ASXL3: variants seen among roughly 807,000 people sequenced by gnomAD.
The protein encoded by ASXL3 is ASXL transcriptional regulator 3.
ASXL3 carries 34 observed loss-of-function variants against 170.6 expected under a neutral mutation model. The observed-to-expected ratio is 0.20, with a 90% CI of 0.15 to 0.27. ASXL3 has a LOEUF of 0.27. Ranked by LOEUF, ASXL3 falls within the 10% of genes least tolerant of loss-of-function variation. The probability of loss-of-function intolerance (pLI) is 1.00; values close to 1 mark genes in which losing one functional copy is unlikely to be tolerated. For missense variants in ASXL3, 2,592 were observed against 2,695.3 expected, an observed-to-expected ratio of 0.96 and a Z score of 0.85; for synonymous variants, 1,002 against 989.1, an observed-to-expected ratio of 1.01 and a Z score of -0.24.
At chr18:33,652,382 C>G (rs562304418) in intron 4 of ASXL3, among the ~76,000 whole-genome samples, 8 of 151,938 alleles carry the variant, frequency 5.3e-5, no homozygotes, top group South Asian at 2.1e-4. Context: ...TTGTTATTAA[C>G]AAGAAAAATT....
intron 4 of ASXL3, among the ~76,000 whole-genome samples, chr18:33,657,629 C>T (rs1178275889): frequency 2.6e-5 from 4 of 152,036 alleles, no homozygotes; most frequent in Non-Finnish European, 4.4e-5. Context: ...ACACTGAAGC[C>T]CGCAGTTTTG....
chr18:33,597,630 A>G (rs1370706519), intron 1 of ASXL3, among the ~76,000 whole-genome samples: 1 of 152,054 alleles, frequency 6.6e-6, no homozygotes, highest in East Asian at 1.9e-4. Flanking sequence ...TTATCCTCCA[A>G]GTGAGATTTT....
chr18:33,694,302 C>A (rs750734978), intron 8 of ASXL3, among the ~76,000 whole-genome samples: 16 of 152,094 alleles, frequency 1.1e-4, no homozygotes, highest in Non-Finnish European at 1.6e-4. Flanking sequence ...GCGGATCTCT[C>A]CTTTCTTTAA....
rs2065916583 is a variant in ASXL3 at position 33,646,488 on chromosome 18, T to G, written c.355+135T>G. The stretch of plus-strand genomic sequence containing the variant: ...AAATTTTTACCGCTGAGATTTATCA[T>G]CAAGGTGTTTTGATTCAAAAAGGAT... On this transcript the variant is annotated intron_variant, in intron 4 of 11. Transcript: ENST00000269197. 21 of 596,046 alleles carry G rather than the reference T, an allele frequency of 3.5e-5. No homozygotes were observed. In the South Asian group the frequency reaches 5.5e-4, roughly 16 times the overall value. 36.9% of individuals were successfully genotyped at this position (596,046 alleles called of 1,614,324 possible).
chr18:33,597,652 C>A (rs995132374), intron 1 of ASXL3, among the ~76,000 whole-genome samples: 1 of 151,934 alleles, frequency 6.6e-6, no homozygotes, highest in Non-Finnish European at 1.5e-5. Context: ...CCATTTGATA[C>A]AAGGCAGTAT....
At chr18:33,591,638 CTTT>C (rs370020953) in intron 1 of ASXL3, among the ~76,000 whole-genome samples, 1 of 141,406 alleles carries the variant, frequency 7.1e-6, no homozygotes, top group African/African-American at 2.6e-5. Context: ...AATGACACTA[CTTT>C]TTTTTTTTTT....
rs758858936 is a variant in ASXL3 at position 33,746,321 on chromosome 18, A to C, written c.6473A>C (p.His2158Pro). 16 of 1,613,832 alleles carry C rather than the reference A, an allele frequency of 9.9e-6. No homozygotes were observed. The East Asian group carries it at 2.7e-4, about 27-fold the overall frequency. Residue 2158 changes from histidine to proline, a missense_variant, in exon 12 of 12, where the codon CAC becomes CCC. Transcript: ENST00000269197. ...CTCTGTGGAAATTATCCAACAATAC[A>C]CTTTGGTAGCACGAGTTTCAAAAGG... ...QQLCGNYPTI[H>P]FGSTSFKRAA...
At chr18:33,667,954 GAGT>G (rs2066284785) in intron 5 of ASXL3, among the ~76,000 whole-genome samples, 4 of 152,134 alleles carry the variant, frequency 2.6e-5, no homozygotes, top group Non-Finnish European at 4.4e-5. Flanking sequence ...GATATTTGTT[GAGT>G]ATTTACTATG....
At chr18:33,699,571 C>T (rs188154039) in intron 8 of ASXL3, among the ~76,000 whole-genome samples, 17 of 152,134 alleles carry the variant, frequency 1.1e-4, no homozygotes, top group Non-Finnish European at 7.4e-5. Flanking sequence ...TTGACAGACA[C>T]AATTTTAGTA....
intron 2 of ASXL3, among the ~76,000 whole-genome samples, chr18:33,623,548 A>G (rs935090621): frequency 6.6e-6 from 1 of 152,152 alleles, no homozygotes; most frequent in African/African-American, 2.4e-5. Flanking sequence ...ATGTTCTGTC[A>G]GTTGTAAGAT....
intron 8 of ASXL3, among the ~76,000 whole-genome samples, chr18:33,715,279 T>C (rs2067145528): frequency 1.3e-5 from 2 of 152,214 alleles, no homozygotes; most frequent in Admixed American, 1.3e-4. Flanking sequence ...AGAATCTTGT[T>C]CATTTACCTG....
At chr18:33,697,138 C>G (rs1451422920) in intron 8 of ASXL3, among the ~76,000 whole-genome samples, 1 of 152,036 alleles carries the variant, frequency 6.6e-6, no homozygotes, top group Non-Finnish European at 1.5e-5. Flanking sequence ...ATAAAGAGAA[C>G]CTGTGTGACA....
chr18:33,693,857 C>T (rs554487924), intron 8 of ASXL3, among the ~76,000 whole-genome samples: 90 of 152,142 alleles, frequency 5.9e-4, no homozygotes, highest in Non-Finnish European at 1.1e-3. Context: ...TTCTTGTTGA[C>T]TGATTAGATG....
rs1348377210 is a variant in ASXL3 at position 33,616,537 on chromosome 18, T to C, written c.137+8861T>C. ...ACTTTTTATACAGAATGCCTCACAG[T>C]AATGCAGTAAGCATGGAAGAGGACT... On this transcript the variant is annotated intron_variant, in intron 2 of 11. Coordinates refer to ENST00000269197, the MANE Select transcript of ASXL3 (RefSeq NM_030632.3). 3 of 152,134 alleles carry C rather than the reference T, an allele frequency of 2.0e-5. No individual in the cohort carries two copies. The East Asian group carries it at 5.8e-4, about 29-fold the overall frequency. 9.4% of individuals were successfully genotyped at this position (152,134 alleles called of 1,614,324 possible).
At chr18:33,633,514 T>C (rs1481636875) in intron 2 of ASXL3, among the ~76,000 whole-genome samples, 3 of 152,196 alleles carry the variant, frequency 2.0e-5, no homozygotes, top group Admixed American at 1.3e-4. Flanking sequence ...ATACATCTTA[T>C]CAATTTTCCA....
At chr18:33,596,031 T>G (rs1387029495) in intron 1 of ASXL3, among the ~76,000 whole-genome samples, 1 of 152,164 alleles carries the variant, frequency 6.6e-6, no homozygotes, top group East Asian at 1.9e-4. Context: ...TGTCTTCTTT[T>G]TTTTTTCATT....
chr18:33,702,054 T>A (rs1248881343), intron 8 of ASXL3, among the ~76,000 whole-genome samples: 1 of 152,154 alleles, frequency 6.6e-6, no homozygotes, highest in Non-Finnish European at 1.5e-5. Flanking sequence ...CTCACTTTTT[T>A]CATTGTTGCT....
chr18:33,671,762 A>G lies in ASXL3; in HGVS notation c.611A>G (p.Asn204Ser), dbSNP rs764331755. Residue 204 changes from asparagine to serine, a missense_variant, in exon 7 of 12, where the codon AAT (asparagine) becomes AGT (serine). Around this residue, in one of 4 missense-constraint regions of ASXL3, gnomAD observed 251 missense variants for 281.9 expected, o/e 0.89. Coordinates refer to ENST00000269197, the MANE Select transcript of ASXL3 (RefSeq NM_030632.3). Reference protein sequence around the residue: ...SDSPSGSESKNGEADSSDKEM... With the variant: ...SDSPSGSESKSGEADSSDKEM... The stretch of plus-strand genomic sequence containing the variant: ...CCTTTTTTAGGATCTGAATCTAAAA[A>G]TGGTGAAGCAGACAGTTCAGATAAA... 6.2e-7 allele frequency: 1 copy of G among 1,605,838 alleles called. No homozygotes were observed. The highest frequency in any genetic ancestry group is 1.3e-5 in the African/African-American group (1 of 74,660).
intron 8 of ASXL3, among the ~76,000 whole-genome samples, chr18:33,726,187 A>G (rs564423878): frequency 6.8e-4 from 104 of 152,262 alleles, no homozygotes; most frequent in Non-Finnish European, 1.3e-3. Flanking sequence ...AAAATTCTTG[A>G]TATCAGCCTT....
Sources: allele counts gnomAD v4.1 joint callset (sites outside exome capture counted in the v4.1 genomes callset), GRCh38; gene constraint gnomAD v4.1.1; regional missense constraint gnomAD v4.1.1; transcripts MANE v1.5; gene names NCBI Gene and HGNC (gene_info 2026-07-23, HGNC 2026-07-21).